The following PI16 variants were observed in gnomAD, a reference collection of about 807,000 sequenced individuals.
PI16 encodes PSP94-binding protein.
A neutral mutation model predicts 38.0 loss-of-function variants in PI16; 35 were observed. The observed-to-expected ratio is 0.92, with a 90% CI of 0.70 to 1.22. The LOEUF is 1.22. PI16 is among the 50% of genes most tolerant of loss of function. The pLI is 0.00. For missense variants in PI16, 572 were observed against 593.8 expected (o/e 0.96, Z 0.38); for synonymous variants, 275 against 252.9 (o/e 1.09, Z -0.83).
In PI16 at chr6:36,962,555, C is replaced by G. The variant is rs1004166378; in HGVS notation, c.593-380C>G. On this transcript the variant is annotated intron_variant, in intron 4 of 6. Coordinates refer to ENST00000373674, the MANE Select transcript of PI16 (RefSeq NM_153370.3). This position sits in a 1 kb window ranked among gnomAD's most constrained non-coding sequence, Gnocchi z 4.1. ...TGGCTCGATCTCGGCTCACCTGCAA[C>G]CTCCGCCTCCCGGTTTGAAGCAATT... Among the ~76,000 whole-genome samples, 2 of 152,084 alleles carry G rather than the reference C, an allele frequency of 1.3e-5. No individual in the cohort carries two copies. Among genetic ancestry groups the G allele is most frequent in the African/African-American group, 4.8e-5 (2 of 41,414 alleles).
upstream of PI16, among the ~76,000 whole-genome samples, chr6:36,953,051 G>A (rs1293395930): frequency 6.6e-6 from 1 of 152,168 alleles, no homozygotes; most frequent in Non-Finnish European, 1.5e-5. Context: ...CAGGCGCAGT[G>A]GCTCACACCT....
At chr6:36,954,044 C>G (rs115123534), upstream of PI16, among the ~76,000 whole-genome samples, 578 of 152,322 alleles carry the variant, frequency 3.8e-3, 9 homozygotes, top group African/African-American at 0.013. Flanking sequence ...CCTCTCCCCC[C>G]GCAGGCAAGA....
chr6:36,956,169 C>T (rs566672981), intron 1 of PI16, among the ~76,000 whole-genome samples: 1 of 152,304 alleles, frequency 6.6e-6, no homozygotes, highest in South Asian at 2.1e-4. Context: ...GACAGGATGA[C>T]ACGTAAGAAA....
intron 2 of PI16, among the ~76,000 whole-genome samples, chr6:36,960,688 G>T (rs977262264): frequency 1.8e-4 from 25 of 135,706 alleles, no homozygotes; most frequent in Admixed American, 1.6e-3. Context: ...TGCAGGGATT[G>T]TTATCAGGAC....
At chr6:36,950,463 C>T (rs1184576380), upstream of PI16, among the ~76,000 whole-genome samples, 2 of 151,906 alleles carry the variant, frequency 1.3e-5, no homozygotes, top group Non-Finnish European at 1.5e-5. The surrounding 1 kb of genome is among the most constrained non-coding windows in gnomAD (Gnocchi z 4.2). Flanking sequence ...CATTGATGAA[C>T]ATTTGGGTTG....
chr6:36,949,429 C>T (rs960991199), intron 1 of PI16, among the ~76,000 whole-genome samples: 7 of 152,098 alleles, frequency 4.6e-5, no homozygotes, highest in Non-Finnish European at 1.0e-4. Context: ...GTCACTAAGT[C>T]CCCTTATTTC....
chr6:36,951,331 C>A (rs1199622166), upstream of PI16, among the ~76,000 whole-genome samples: 2 of 149,822 alleles, frequency 1.3e-5, no homozygotes, highest in African/African-American at 5.1e-5. Context: ...CTCTCTGCAG[C>A]CTTGACCTCC....
chr6:36,954,597 G>A (rs1004237943), upstream of PI16: 65 of 1,127,108 alleles, frequency 5.8e-5, no homozygotes, highest in Middle Eastern at 2.9e-4. Flanking sequence ...GATGCTGGTC[G>A]GGACCCAAAG....
At position 36,963,173 on chromosome 6, in the gene PI16, A is replaced by G. The variant is rs555165762; in HGVS notation, c.831A>G (p.Ala277=). 9 of 1,614,246 alleles carry G rather than the reference A, an allele frequency of 5.6e-6. No individual in the cohort carries two copies. In the South Asian group the frequency reaches 9.9e-5, roughly 18 times the overall value. The change falls in exon 5 of 7, where the codon GCA becomes GCG. Residue 277 remains alanine (A), a synonymous_variant. Coordinates refer to ENST00000373674, the MANE Select transcript of PI16 (RefSeq NM_153370.3). ...CAACGAAAGACCCGCCCTCCATGGC[A>G]ACAGAGGCTCCACCTTGCGTAACAA... ...SLATKDPPSM[A]TEAPPCVTTE...
rs1234545112 is a variant in PI16 at position 36,963,377 on chromosome 6, G to T, written c.1035G>T (p.Gly345=). The T allele has an allele frequency of 1.9e-6, 3 of 1,614,048 alleles. No homozygotes were observed. Among genetic ancestry groups the T allele is most frequent in the Non-Finnish European group, 2.5e-6 (3 of 1,180,036 alleles). The change falls in exon 5 of 7, where the codon GGG becomes GGT. Residue 345 remains glycine (G), a synonymous_variant. Transcript: ENST00000373674. ...TGGACCCCAAGATGTCCCTGACAGG[G>T]GCAAGGGAACTCCTACCCCATGCCC... ...NSLDPKMSLT[G]ARELLPHAQE... is the part of the protein sequence containing the mutation.
intron 2 of PI16, among the ~76,000 whole-genome samples, chr6:36,959,847 G>A (rs1437587930): frequency 6.8e-6 from 1 of 148,092 alleles, no homozygotes; most frequent in East Asian, 2.0e-4. Context: ...CAGCCTGGGC[G>A]ACAGAGGGAG....
Position 36,954,892 on chromosome 6 carries a change from G to C in PI16, c.132G>C (p.Arg44=). 6.2e-7 allele frequency: 1 copy of C among 1,613,758 alleles called. No individual in the cohort carries two copies. Among genetic ancestry groups the C allele is most frequent in the Non-Finnish European group, 8.5e-7 (1 of 1,180,002 alleles). The change falls in exon 1 of 7, where the codon CGG becomes CGC. Residue 44 remains arginine (R), a synonymous_variant. Transcript: ENST00000373674. ...TGGTGGAGCTGCACAACCTCTACCGGGCCCAGGTATCCCCGACGGCCTCAG... is the reference window on the plus strand; with the variant it reads ...TGGTGGAGCTGCACAACCTCTACCGCGCCCAGGTATCCCCGACGGCCTCAG... The part of the protein sequence containing the change: ...RLMVELHNLY[R]AQVSPTASDM...
At chr6:36,955,906 T>C (rs1367236061) in intron 1 of PI16, among the ~76,000 whole-genome samples, 1 of 152,148 alleles carries the variant, frequency 6.6e-6, no homozygotes, top group East Asian at 1.9e-4. Flanking sequence ...AGGGCTGAAC[T>C]AGCTTGTCCC....
At chr6:36,958,770 T>C (rs1763269804) in intron 1 of PI16, among the ~76,000 whole-genome samples, 1 of 152,110 alleles carries the variant, frequency 6.6e-6, no homozygotes, top group Non-Finnish European at 1.5e-5. Flanking sequence ...GATCTTGTGC[T>C]CTTCAGAGAA....
At position 36,959,377 on chromosome 6, in the gene PI16, G is replaced by T. The variant is rs376114679; in HGVS notation, c.393+11G>T. On this transcript the variant is annotated intron_variant, in intron 2 of 6. Transcript: ENST00000373674. ...GGCCACTACACGCAGGTGTGGGCCCGGCGGGCGAGGCGGGGCGGAGCCTCG... is the reference window on the plus strand; with the variant it reads ...GGCCACTACACGCAGGTGTGGGCCCTGCGGGCGAGGCGGGGCGGAGCCTCG... The T allele has an allele frequency of 1.1e-5, 17 of 1,541,514 alleles. No individual in the cohort carries two copies. In the African/African-American group the frequency reaches 2.2e-4, roughly 20 times the overall value.
At chr6:36,952,852 A>C (rs1763120939), upstream of PI16, among the ~76,000 whole-genome samples, 1 of 152,186 alleles carries the variant, frequency 6.6e-6, no homozygotes, top group Non-Finnish European at 1.5e-5. Context: ...TTTGCATTTC[A>C]ATAGGGATTG....
chr6:36,949,872 T>C (rs958025145), upstream of PI16, among the ~76,000 whole-genome samples: 2 of 152,156 alleles, frequency 1.3e-5, no homozygotes, highest in Non-Finnish European at 1.5e-5. Context: ...TGATACTTTC[T>C]GATTGTGAGC....
Position 36,959,443 on chromosome 6 carries a change from C to T in PI16, c.393+77C>T. 3 of 1,395,868 alleles carry T rather than the reference C, an allele frequency of 2.1e-6. No individual in the cohort carries two copies. In the African/African-American group the frequency reaches 4.3e-5, roughly 20 times the overall value. The allele number at this position is 1,395,868 out of a possible 1,614,324, so 86.5% of individuals were successfully genotyped here. ...GCCACGTGCTCCCTGGGCGGGGCCA[C>T]CTCTGCCTTCACCCCTCCTAAGCGT... On this transcript the variant is annotated intron_variant, in intron 2 of 6. Transcript: ENST00000373674.
chr6:36,954,639 C>T (rs898762504), upstream of PI16: 96 of 1,451,030 alleles, frequency 6.6e-5, no homozygotes, highest in Non-Finnish European at 7.9e-5. Flanking sequence ...TTGTGTGAGT[C>T]GGGCTGGGCC....
Sources: gnomAD v4.1 joint callset for allele counts (sites outside exome capture counted in the v4.1 genomes callset) on GRCh38, gnomAD v4.1.1 for gene constraint, Gnocchi (gnomAD v3.1) non-coding constraint, MANE v1.5 for transcripts, NCBI Gene and HGNC (gene_info 2026-07-23, HGNC 2026-07-21) for gene names.